Variants in WNK1 observed in about 807,000 individuals in gnomAD.
WNK1 encodes the protein serine/threonine-protein kinase WNK1.
A neutral mutation model predicts 222.8 loss-of-function variants in WNK1; 38 were observed. The observed-to-expected ratio is 0.17, with a 90% CI of 0.13 to 0.22. The LOEUF is 0.22. Ranked by LOEUF, WNK1 falls within the 10% of genes least tolerant of loss-of-function variation. The pLI is 1.00. For synonymous variants in WNK1, 1,090 were observed against 1,092.9 expected, an observed-to-expected ratio of 1.00 and a Z score of 0.05; for missense variants, 2,348 against 2,918.4, an observed-to-expected ratio of 0.80 and a Z score of 4.50.
At position 908,705 on chromosome 12, in the gene WNK1, G is replaced by A; in HGVS notation, c.7062G>A (p.Val2354=). The part of the protein sequence containing the change: ...APQPLGQFQP[V]GTASLQNFNI... Reference sequence around the variant, plus strand: ...AGCCACTTGGCCAGTTCCAACCTGTGGGAACTGCCTCCTTGCAGAATTTCA... The same window carrying A: ...AGCCACTTGGCCAGTTCCAACCTGTAGGAACTGCCTCCTTGCAGAATTTCA... Residue 2354 remains valine, a synonymous_variant, in exon 28 of 28, where the codon GTG becomes GTA. Transcript: ENST00000315939. 1 of 1,614,164 alleles carries A rather than the reference G, an allele frequency of 6.2e-7. No homozygotes were observed. Among genetic ancestry groups the A allele is most frequent in the Non-Finnish European group, 8.5e-7 (1 of 1,180,038 alleles).
chr12:810,133 C>T (rs1946769779), intron 1 of WNK1, among the ~76,000 whole-genome samples: 1 of 151,924 alleles, frequency 6.6e-6, no homozygotes, highest in African/African-American at 2.4e-5. Flanking sequence ...GCCTGTAATC[C>T]CAGCTATTCA....
At chr12:886,120 G>T in intron 19 of WNK1, 36 bp downstream of exon 19, 1 of 1,458,642 alleles carries the variant, frequency 6.9e-7, no homozygotes. Flanking sequence ...AGATAAATAT[G>T]ATCAGTTTTT....
At chr12:816,923 A>G (rs1947392839) in intron 2 of WNK1, among the ~76,000 whole-genome samples, 1 of 152,216 alleles carries the variant, frequency 6.6e-6, no homozygotes. Context: ...GATATTTGTA[A>G]GTGTATATGA....
At chr12:786,668 T>C (rs1378630584) in intron 1 of WNK1, among the ~76,000 whole-genome samples, 1 of 152,162 alleles carries the variant, frequency 6.6e-6, no homozygotes, top group Non-Finnish European at 1.5e-5. Context: ...GGTTTCATCA[T>C]GTTGGTCAGG....
At chr12:900,016 C>CTTTTT (rs11433731) in intron 25 of WNK1, among the ~76,000 whole-genome samples, 44 of 119,606 alleles carry the variant, frequency 3.7e-4, no homozygotes, top group Non-Finnish European at 4.3e-4. Flanking sequence ...GGATTCTTTT[C>CTTTTT]TTTTTTTTTT....
chr12:829,922 C>A, intron 3 of WNK1, 81 bp from the exon 4 acceptor site: 2 of 1,493,596 alleles, frequency 1.3e-6, no homozygotes, highest in Non-Finnish European at 1.9e-6. Context: ...TCTCACAGGT[C>A]AACCCCTCTG....
intron 2 of WNK1, among the ~76,000 whole-genome samples, chr12:823,370 T>G (rs1257272629): frequency 1.3e-5 from 2 of 152,238 alleles, no homozygotes; most frequent in East Asian, 3.8e-4. Flanking sequence ...ATATTCTTTC[T>G]GCTCTTTTCT....
intron 4 of WNK1, among the ~76,000 whole-genome samples, chr12:835,691 G>A (rs898258424): frequency 2.6e-5 from 4 of 152,112 alleles, no homozygotes; most frequent in African/African-American, 9.7e-5. Flanking sequence ...GATAGCTCAC[G>A]CCTGTAATCC....
chr12:860,484 A>G (rs1424231672), intron 6 of WNK1, among the ~76,000 whole-genome samples: 1 of 152,188 alleles, frequency 6.6e-6, no homozygotes, highest in African/African-American at 2.4e-5. Flanking sequence ...CTCTGAGAGG[A>G]GATCAGGTAT....
intron 4 of WNK1, among the ~76,000 whole-genome samples, chr12:834,805 T>C (rs527592304): frequency 1.3e-5 from 2 of 152,292 alleles, no homozygotes; most frequent in East Asian, 3.9e-4. Context: ...GAATGAAAGA[T>C]GGCCTTTAAG....
Position 885,923 on chromosome 12 carries a change from A to G in WNK1, c.5119A>G (p.Thr1707Ala), listed in dbSNP as rs1953602352. 4 of 1,603,784 alleles carry G rather than the reference A, an allele frequency of 2.5e-6. No homozygotes were observed. Among genetic ancestry groups the G allele is most frequent in the Non-Finnish European group, 1.7e-6 (2 of 1,174,020 alleles). ...VAPSKLLTST[T>A]STCLPPTNLP... ...ACCAAGCAAACTCCTGACTTCTACC[A>G]CAAGTACTTGCTTACCACCAACCAA... Residue 1707 changes from threonine to alanine, a missense_variant, in exon 19 of 28, where the codon ACA (threonine) becomes GCA (alanine). Around this residue, in one of 13 missense-constraint regions of WNK1, gnomAD observed 1,144 missense variants for 1,273.6 expected, o/e 0.90. Coordinates refer to ENST00000315939, the MANE Select transcript of WNK1 (RefSeq NM_018979.4).
chr12:887,114 A>G, intron 19 of WNK1, 107 bp from the exon 20 acceptor site: 1 of 1,002,918 alleles, frequency 1.0e-6, no homozygotes, highest in South Asian at 1.3e-5. Context: ...TTAACTATAT[A>G]TATTTTATTC....
Position 813,782 on chromosome 12 carries a change from G to A in WNK1, c.900G>A (p.Val300=), listed in dbSNP as rs1947099941. ...TVKGKKCIVL[V]TELMTSGTLK... is the part of the protein sequence containing the mutation. ...AAGGAAAGAAGTGCATTGTTTTGGTGACTGAACTTATGACGTCTGGAACAC... is the reference window on the plus strand; with the variant it reads ...AAGGAAAGAAGTGCATTGTTTTGGTAACTGAACTTATGACGTCTGGAACAC... The change falls in exon 2 of 28, where the codon GTG becomes GTA. Residue 300 remains valine (V), a synonymous_variant. Coordinates refer to ENST00000315939, the MANE Select transcript of WNK1 (RefSeq NM_018979.4). The A allele has an allele frequency of 2.5e-6, 4 of 1,613,768 alleles. No individual in the cohort carries two copies. Among genetic ancestry groups the A allele is most frequent in the African/African-American group, 2.7e-5 (2 of 74,914 alleles).
chr12:803,694 GC>G (rs1465777598), intron 1 of WNK1, among the ~76,000 whole-genome samples: 1 of 152,106 alleles, frequency 6.6e-6, no homozygotes, highest in Non-Finnish European at 1.5e-5. Context: ...CCGAGATTGT[GC>G]CACTGCACTC....
intron 4 of WNK1, among the ~76,000 whole-genome samples, chr12:838,974 T>C (rs190435462): frequency 6.6e-6 from 1 of 152,236 alleles, no homozygotes; most frequent in East Asian, 1.9e-4. Flanking sequence ...TTGAATATTA[T>C]TGTTATGTCA....
At chr12:862,568 A>T (rs1365609382) in intron 8 of WNK1, among the ~76,000 whole-genome samples, 1 of 152,268 alleles carries the variant, frequency 6.6e-6, no homozygotes, top group African/African-American at 2.4e-5. Flanking sequence ...AAAGCTGGAC[A>T]TACAAATGTT....
chr12:861,246 C>G lies in WNK1; in HGVS notation c.1854C>G (p.Thr618=). 2 of 1,614,120 alleles carry G rather than the reference C, an allele frequency of 1.2e-6. No individual in the cohort carries two copies. The highest frequency in any genetic ancestry group is 1.7e-6 in the Non-Finnish European group (2 of 1,180,016). ...SASTGIPTAS[T]TSASVSTQVE... The stretch of plus-strand genomic sequence containing the variant: ...GCACCGGCATACCTACTGCTTCTAC[C>G]ACTTCAGCTTCAGTTTCTACACAAG... Residue 618 remains threonine (T), a synonymous_variant, in exon 7 of 28, where the codon ACC becomes ACG. Coordinates refer to ENST00000315939, the MANE Select transcript of WNK1 (RefSeq NM_018979.4).
At chr12:899,344 G>T (rs1260636522) in intron 25 of WNK1, among the ~76,000 whole-genome samples, 1 of 151,808 alleles carries the variant, frequency 6.6e-6, no homozygotes, top group Non-Finnish European at 1.5e-5. Flanking sequence ...GTCGGCAGTG[G>T]CTCAACCTCC....
At chr12:755,713 A>G (rs1757100483) in intron 1 of WNK1, among the ~76,000 whole-genome samples, 1 of 152,082 alleles carries the variant, frequency 6.6e-6, no homozygotes, top group South Asian at 2.1e-4. Context: ...ACGGTGGCTC[A>G]CGCCTGTAAT....
Sources: gnomAD v4.1 joint callset for allele counts (sites outside exome capture counted in the v4.1 genomes callset) on GRCh38, gnomAD v4.1.1 for gene constraint, gnomAD v4.1.1 regional missense constraint, MANE v1.5 for transcripts, NCBI Gene and HGNC (gene_info 2026-07-23, HGNC 2026-07-21) for gene names.